SEZ6: variants seen among roughly 807,000 people sequenced by gnomAD.
The protein encoded by SEZ6 is seizure related 6 homolog.
Under a neutral mutation model 101.0 loss-of-function variants are expected in SEZ6, and 53 were observed. The ratio of observed to expected loss-of-function variants is 0.52; its 90% CI spans 0.42 to 0.66. The LOEUF is 0.66. Ranked by LOEUF, SEZ6 falls within the 30% of genes least tolerant of loss-of-function variation. SEZ6 has a pLI of 0.00. For missense variants in SEZ6, 1,102 were observed against 1,289.4 expected, an observed-to-expected ratio of 0.85 and a Z score of 2.23; for synonymous variants, 488 against 512.2, an observed-to-expected ratio of 0.95 and a Z score of 0.64.
chr17:28,995,587 C>T (rs2041526242), intron 1 of SEZ6, among the ~76,000 whole-genome samples: 1 of 152,146 alleles, frequency 6.6e-6, no homozygotes. Flanking sequence ...GCATCCTTGT[C>T]CTGCTGAGCT....
At chr17:28,994,761 C>T (rs1470468824) in intron 1 of SEZ6, among the ~76,000 whole-genome samples, 1 of 151,898 alleles carries the variant, frequency 6.6e-6, no homozygotes, top group Admixed American at 6.6e-5. Context: ...TAGTCACTGA[C>T]CCTTTATTAT....
intron 1 of SEZ6, among the ~76,000 whole-genome samples, chr17:28,982,899 C>T (rs2041330180): frequency 1.3e-5 from 2 of 152,144 alleles, no homozygotes; most frequent in Admixed American, 1.3e-4. Context: ...GTCTCAAACT[C>T]CTGGGCTCAA....
intron 11 of SEZ6, 66 bp downstream of exon 11, chr17:28,957,881 C>A: frequency 6.5e-7 from 1 of 1,540,174 alleles, no homozygotes; most frequent in Non-Finnish European, 8.9e-7. Context: ...CAGTCTGGTT[C>A]AGAATCCAGG....
At chr17:28,994,833 C>G (rs565461799) in intron 1 of SEZ6, among the ~76,000 whole-genome samples, 1 of 151,702 alleles carries the variant, frequency 6.6e-6, no homozygotes, top group East Asian at 1.9e-4. Context: ...GAGGAGGGGG[C>G]TTGGCATGGT....
intron 3 of SEZ6, among the ~76,000 whole-genome samples, chr17:28,974,263 C>T (rs552817875): frequency 6.6e-6 from 1 of 152,294 alleles, no homozygotes; most frequent in Admixed American, 6.5e-5. Context: ...CTCCTAGGCT[C>T]TCTTGGTCAC....
intron 5 of SEZ6, among the ~76,000 whole-genome samples, chr17:28,962,555 G>T (rs1411443287): frequency 1.3e-5 from 2 of 152,192 alleles, no homozygotes; most frequent in Non-Finnish European, 2.9e-5. Context: ...GAGGCAGGTG[G>T]ATCACCTGAG....
chr17:28,979,604 C>T, intron 3 of SEZ6, 76 bp downstream of exon 3: 1 of 1,593,008 alleles, frequency 6.3e-7, no homozygotes, highest in Non-Finnish European at 8.6e-7. Context: ...CCCACATCCT[C>T]TCATAGCATG....
At chr17:28,979,983 A>G (rs891063930) in intron 2 of SEZ6, among the ~76,000 whole-genome samples, 170 bp from the exon 3 acceptor site, 2 of 147,534 alleles carry the variant, frequency 1.4e-5, no homozygotes, top group Non-Finnish European at 3.0e-5. Flanking sequence ...ACCACCTTTT[A>G]TTAGGCACCT....
chr17:28,990,888 G>A (rs1032357174), intron 1 of SEZ6, among the ~76,000 whole-genome samples: 5 of 151,948 alleles, frequency 3.3e-5, no homozygotes, highest in Non-Finnish European at 5.9e-5. Flanking sequence ...TAAAACTCTG[G>A]TCTCTCATTT....
intron 7 of SEZ6, 200 bp downstream of exon 7, chr17:28,960,305 G>A (rs2040955201): frequency 1.4e-6 from 1 of 708,258 alleles, no homozygotes; most frequent in Non-Finnish European, 2.3e-6. Flanking sequence ...CCAGGCAGAG[G>A]TTTCCTGCAA....
intron 1 of SEZ6, among the ~76,000 whole-genome samples, chr17:29,002,010 T>C (rs2041621245): frequency 6.6e-6 from 1 of 152,098 alleles, no homozygotes; most frequent in African/African-American, 2.4e-5. Context: ...GAGCCTGGGT[T>C]CTTAACCACC....
At chr17:29,006,066 C>G, upstream of SEZ6, 1 of 371,618 alleles carries the variant, frequency 2.7e-6, no homozygotes, top group Non-Finnish European at 4.5e-6. Context: ...CGGGGATCGC[C>G]GAGCGGGGCT....
intron 1 of SEZ6, among the ~76,000 whole-genome samples, chr17:28,986,888 G>C (rs2041392169): frequency 6.6e-6 from 1 of 152,226 alleles, no homozygotes; most frequent in South Asian, 2.1e-4. Flanking sequence ...TGGAAGGGCA[G>C]GTGGCACTGT....
At chr17:29,003,413 G>A (rs752517735) in intron 1 of SEZ6, among the ~76,000 whole-genome samples, 5 of 152,216 alleles carry the variant, frequency 3.3e-5, no homozygotes, top group African/African-American at 7.2e-5. Flanking sequence ...CCGCAGCCTC[G>A]GCATACCAGG....
At chr17:28,992,493 C>T (rs530726063) in intron 1 of SEZ6, among the ~76,000 whole-genome samples, 1 of 152,148 alleles carries the variant, frequency 6.6e-6, no homozygotes, top group Non-Finnish European at 1.5e-5. Context: ...CCCAAGGATG[C>T]CACACCCTGG....
intron 4 of SEZ6, among the ~76,000 whole-genome samples, chr17:28,968,719 G>A (rs2041107447): frequency 6.6e-6 from 1 of 152,206 alleles, no homozygotes. Context: ...CATCTCCAGA[G>A]TGCTGGCTCT....
At chr17:28,980,603 C>G (rs1483092488) in intron 2 of SEZ6, among the ~76,000 whole-genome samples, 1 of 152,070 alleles carries the variant, frequency 6.6e-6, no homozygotes, top group African/African-American at 2.4e-5. Context: ...ATCTCCTGAC[C>G]TCGTTCCACA....
Position 29,005,763 on chromosome 17 carries a change from C to T in SEZ6, c.55+52G>A. On this transcript the variant is annotated intron_variant, in intron 1 of 16. Transcript: ENST00000317338. The surrounding 1 kb of genome is among the most constrained non-coding windows in gnomAD (Gnocchi z 4.8). ...GGGCACCGGGTCTCCCTTCCCACCCCTGGGGCCCCGCTCCCGCCCCCGTCC... is the reference window on the plus strand; with the variant it reads ...GGGCACCGGGTCTCCCTTCCCACCCTTGGGGCCCCGCTCCCGCCCCCGTCC... 1 of 1,467,722 alleles carries T rather than the reference C, an allele frequency of 6.8e-7. No individual in the cohort carries two copies. The highest frequency in any genetic ancestry group is 9.0e-7 in the Non-Finnish European group (1 of 1,108,058). 90.9% of individuals were successfully genotyped at this position (1,467,722 alleles called of 1,614,324 possible). A position where few individuals can be genotyped will look rare whatever the true frequency, so the allele number is the denominator to read the frequency against.
rs1455748572 is a variant in SEZ6 at position 28,955,222 on chromosome 17, A to G, written c.*740T>C. On this transcript the variant is annotated 3_prime_UTR_variant, in exon 17 of 17. Transcript: ENST00000317338. ...GGACTATTAGGGTGAAGATGTTTGC[A>G]ACAGCTAAATAAACATCGGAGGAAA... The G allele has an allele frequency of 6.0e-6, 1 of 167,570 alleles. No individual in the cohort carries two copies. Among genetic ancestry groups the G allele is most frequent in the African/African-American group, 2.4e-5 (1 of 41,734 alleles). 10.4% of individuals were successfully genotyped at this position (167,570 alleles called of 1,614,324 possible). A position where few individuals can be genotyped will look rare whatever the true frequency, so the allele number is the denominator to read the frequency against.
Sources: allele counts gnomAD v4.1 joint callset (sites outside exome capture counted in the v4.1 genomes callset), GRCh38; gene constraint gnomAD v4.1.1; non-coding constraint Gnocchi (gnomAD v3.1); transcripts MANE v1.5; gene names NCBI Gene and HGNC (gene_info 2026-07-23, HGNC 2026-07-21).